Variants in CCDC34 observed in about 807,000 individuals in gnomAD.
The protein encoded by CCDC34 is coiled-coil domain containing 34.
CCDC34 carries 40 observed loss-of-function variants against 44.1 expected under a neutral mutation model. That is an observed-to-expected ratio of 0.91 (90% CI 0.70 to 1.18). The LOEUF is 1.18. Among genes scored for constraint, CCDC34 ranks in the 50% most tolerant of loss-of-function variants. The probability of loss-of-function intolerance (pLI) is 0.00; values close to 1 mark genes in which losing one functional copy is unlikely to be tolerated. For synonymous variants in CCDC34, 159 were observed against 158.2 expected, an observed-to-expected ratio of 1.01 and a Z score of -0.04; for missense variants, 466 against 452.3, an observed-to-expected ratio of 1.03 and a Z score of -0.28.
Position 27,359,092 on chromosome 11 carries a change from T to C in CCDC34, c.360-1551A>G, listed in dbSNP as rs367687439. 2.6e-5 allele frequency among the ~76,000 whole-genome samples: 4 copies of C among 151,778 alleles called. No homozygotes were observed. In the South Asian group the frequency reaches 6.3e-4, roughly 24 times the overall value. ...ACCATCTGGACAAAACTGGCCTCCC[T>C]TTCTCCCTTTCAAATCATTATCCAC... On this transcript the variant is annotated intron_variant, in intron 1 of 5. Transcript: ENST00000328697.
chr11:27,344,552 ATATAT>A (rs980640195), intron 3 of CCDC34, among the ~76,000 whole-genome samples: 10 of 151,466 alleles, frequency 6.6e-5, no homozygotes, highest in South Asian at 6.2e-4. Context: ...TATATAAAAT[ATATAT>A]TATATATCAG....
rs746499525 is a variant in CCDC34, at chr11:27,363,166, G to C, written c.29C>G (p.Thr10Ser). Residue 10 changes from threonine to serine, a missense_variant, in exon 1 of 6, where the codon ACT becomes AGT. Physicochemically the swap from Thr to Ser is moderately conservative, Grantham distance 58 (BLOSUM62 1). Transcript: ENST00000328697. The stretch of plus-strand genomic sequence containing the variant: ...GAAACCGGCGTAGGAAGAGGGAAAA[G>C]TAGGCCCCCAGCGCCCCGCCGCCCA... Reference protein sequence around the residue: MWAAGRWGPTFPSSYAGFSA... With the variant: MWAAGRWGPSFPSSYAGFSA... 2.7e-6 allele frequency: 4 copies of C among 1,498,538 alleles called. No individual in the cohort carries two copies. In the African/African-American group the frequency reaches 4.2e-5, roughly 16 times the overall value. The allele number at this position is 1,498,538 out of a possible 1,614,324, so 92.8% of individuals were successfully genotyped here.
intron 2 of CCDC34, among the ~76,000 whole-genome samples, chr11:27,356,032 T>TTG (rs1862570861): frequency 6.8e-6 from 1 of 146,480 alleles, no homozygotes; most frequent in Non-Finnish European, 1.5e-5. Flanking sequence ...TTTTTTTTTT[T>TTG]TTTTAGACAG....
intron 3 of CCDC34, among the ~76,000 whole-genome samples, chr11:27,346,788 G>A (rs1378929100): frequency 6.6e-6 from 1 of 152,176 alleles, no homozygotes; most frequent in Non-Finnish European, 1.5e-5. Flanking sequence ...CAATGTGACT[G>A]TATTTGGAGA....
Position 27,363,141 on chromosome 11 carries a change from G to A in CCDC34, c.54C>T (p.Phe18=), listed in dbSNP as rs1473649010. ...GAGACCTGGGTCTGCAGTCAGCAGA[G>A]AAACCGGCGTAGGAAGAGGGAAAAG... ...GPTFPSSYAG[F]SADCRPRSRP... The change falls in exon 1 of 6, where the codon TTC becomes TTT. Residue 18 remains phenylalanine, a synonymous_variant. Transcript: ENST00000328697. The A allele has an allele frequency of 2.0e-6, 3 of 1,536,516 alleles. No individual in the cohort carries two copies. The highest frequency in any genetic ancestry group is 2.6e-6 in the Non-Finnish European group (3 of 1,144,564).
At chr11:27,355,554 A>T (rs1862562925) in intron 2 of CCDC34, among the ~76,000 whole-genome samples, 1 of 152,198 alleles carries the variant, frequency 6.6e-6, no homozygotes, top group South Asian at 2.1e-4. Flanking sequence ...ATACAAATAA[A>T]AACAAAGCCA....
intron 4 of CCDC34, 78 bp downstream of exon 4, chr11:27,341,314 G>T: frequency 1.2e-6 from 1 of 846,380 alleles, no homozygotes; most frequent in South Asian, 2.7e-5. Flanking sequence ...TTTTCTATTA[G>T]ATACTTTTTC....
intron 5 of CCDC34, among the ~76,000 whole-genome samples, 173 bp downstream of exon 5, chr11:27,340,523 A>G (rs1862340306): frequency 6.6e-6 from 1 of 152,204 alleles, no homozygotes; most frequent in Non-Finnish European, 1.5e-5. Flanking sequence ...GTGGAGAATG[A>G]CAGTACATTT....
At chr11:27,352,683 T>G (rs1020917853) in intron 2 of CCDC34, among the ~76,000 whole-genome samples, 14 of 152,170 alleles carry the variant, frequency 9.2e-5, no homozygotes, top group Non-Finnish European at 1.6e-4. Context: ...TTATGTACCT[T>G]TTAAGATTCT....
intron 1 of CCDC34, among the ~76,000 whole-genome samples, chr11:27,359,665 A>G (rs1862633937): frequency 6.6e-6 from 1 of 152,054 alleles, no homozygotes; most frequent in Admixed American, 6.6e-5. Flanking sequence ...AGCTATGTAC[A>G]TTTTTTAAAA....
rs758916881 is a variant in CCDC34, at chr11:27,340,708, C to T, written c.895G>A (p.Gly299Arg). ...CATAAAAACCAACCTGTAAGTTTTCCATTGGCATAACCATAGCTCTTTGCA... is the reference window on the plus strand; with the variant it reads ...CATAAAAACCAACCTGTAAGTTTTCTATTGGCATAACCATAGCTCTTTGCA... ...PAAKSYGYANGKLTGFYSGNS... is the reference protein window; with the variant it reads ...PAAKSYGYANRKLTGFYSGNS... The change falls in exon 5 of 6, where the codon GGA becomes AGA. Residue 299 changes from glycine to arginine, a missense_variant. Physicochemically the swap from Gly to Arg is moderately radical, Grantham distance 125 (BLOSUM62 -2). Transcript: ENST00000328697. 1.9e-5 allele frequency: 30 copies of T among 1,605,692 alleles called. No homozygotes were observed. Among genetic ancestry groups the T allele is most frequent in the Non-Finnish European group, 1.4e-5 (17 of 1,176,796 alleles).
Position 27,363,095 on chromosome 11 carries a change from A to C in CCDC34, c.100T>G (p.Ser34Ala). 6.2e-7 allele frequency: 1 copy of C among 1,603,728 alleles called. No homozygotes were observed. The highest frequency in any genetic ancestry group is 8.5e-7 in the Non-Finnish European group (1 of 1,174,224). Residue 34 changes from serine (S) to alanine (A), a missense_variant, in exon 1 of 6, where the codon TCA becomes GCA. Physicochemically the swap from Ser to Ala is moderately conservative, Grantham distance 99 (BLOSUM62 1). Transcript: ENST00000328697. ...PRSRPSSDSC[S>A]VPMTGARGQG... ...CCACGTGCGCCCGTCATAGGGACTG[A>C]GCAGGAGTCCGAGGAGGGCCGAGAC...
At chr11:27,355,520 T>G (rs1008131998) in intron 2 of CCDC34, among the ~76,000 whole-genome samples, 1 of 152,158 alleles carries the variant, frequency 6.6e-6, no homozygotes, top group African/African-American at 2.4e-5. Context: ...AAGAAGACTA[T>G]GAATAGTAAT....
At chr11:27,353,010 G>A (rs896272119) in intron 2 of CCDC34, among the ~76,000 whole-genome samples, 5 of 152,094 alleles carry the variant, frequency 3.3e-5, no homozygotes, top group Admixed American at 1.3e-4. Flanking sequence ...GTCTTCCTTC[G>A]AAAGGCCCCT....
chr11:27,358,958 A>ACCCCCCCCCCCCCCCCCCC (rs71050907), intron 1 of CCDC34, among the ~76,000 whole-genome samples: 1 of 88,174 alleles, frequency 1.1e-5, no homozygotes, highest in Non-Finnish European at 2.2e-5. Flanking sequence ...CAACATGTGG[A>ACCCCCCCCCCCCCCCCCCC]CCCCCCCCCC....
chr11:27,347,673 CTCTAA>C (rs1330982257), intron 3 of CCDC34, among the ~76,000 whole-genome samples: 1 of 151,886 alleles, frequency 6.6e-6, no homozygotes, highest in Non-Finnish European at 1.5e-5. Context: ...GAAAAGGCAA[CTCTAA>C]TCTACAAGTA....
chr11:27,357,013 T>C (rs1019779506), intron 2 of CCDC34, among the ~76,000 whole-genome samples: 4 of 151,996 alleles, frequency 2.6e-5, no homozygotes, highest in African/African-American at 7.2e-5. Context: ...GTGTATACAG[T>C]TGAATTTACT....
chr11:27,350,113 A>G, intron 3 of CCDC34: 1 of 1,392,708 alleles, frequency 7.2e-7, no homozygotes, highest in Non-Finnish European at 9.3e-7. Flanking sequence ...CTGCAGGCAA[A>G]TATTAGTGCA....
chr11:27,356,434 TTAG>T (rs1862578095), intron 2 of CCDC34, among the ~76,000 whole-genome samples: 1 of 152,020 alleles, frequency 6.6e-6, no homozygotes, highest in African/African-American at 2.4e-5. Context: ...TTAAATAATA[TTAG>T]ACAGCCATTT....
Sources: gnomAD v4.1 joint callset for allele counts (sites outside exome capture counted in the v4.1 genomes callset) on GRCh38, gnomAD v4.1.1 for gene constraint, MANE v1.5 for transcripts, NCBI Gene and HGNC (gene_info 2026-07-23, HGNC 2026-07-21) for gene names.